The following ZNF519 variants were observed in gnomAD, a reference collection of about 807,000 sequenced individuals.
ZNF519 encodes zinc finger protein 519, also known as similar to Zinc finger protein 85 (Zinc finger protein HPF4) (HTF1).
In ZNF519, 7 loss-of-function variants were observed where a neutral mutation model predicts 7.4. That is an observed-to-expected ratio of 0.94 (90% CI 0.54 to 1.77). The LOEUF (loss-of-function observed/expected upper bound fraction) is 1.77, where lower values mean the gene tolerates loss of function less well. ZNF519 is among the 40% of genes most tolerant of loss of function. ZNF519 has a pLI of 0.00. For synonymous variants in ZNF519, 179 were observed against 203.3 expected (o/e 0.88, Z 1.02); for missense variants, 586 against 623.1 (o/e 0.94, Z 0.63).
At chr18:14,093,820 T>C (rs910806192) in intron 2 of ZNF519, among the ~76,000 whole-genome samples, 6 of 152,216 alleles carry the variant, frequency 3.9e-5, no homozygotes, top group Admixed American at 1.3e-4. Context: ...GCTGCAGTGA[T>C]TGGCTGAGAC....
At chr18:14,122,021 A>C (rs1020303424) in intron 2 of ZNF519, 1 of 152,170 alleles carries the variant, frequency 6.6e-6, no homozygotes, top group Non-Finnish European at 1.5e-5. Flanking sequence ...AATATCATGA[A>C]AACTGCATGA....
chr18:14,104,855 T>A lies in ZNF519; in HGVS notation c.*62A>T, dbSNP rs931080115. The A allele has an allele frequency of 2.1e-6, 3 of 1,436,386 alleles. No homozygotes were observed. Among genetic ancestry groups the A allele is most frequent in the Non-Finnish European group, 2.8e-6 (3 of 1,083,932 alleles). The allele number at this position is 1,436,386 out of a possible 1,614,324, so 89.0% of individuals were successfully genotyped here. ...TTTCTATCCAGTATTGATTTTCTAA[T>A]GTTGAGTAAGGTGTGAGCACCAGTT... On this transcript the variant is annotated 3_prime_UTR_variant, in exon 3 of 3. Coordinates refer to ENST00000590202, the MANE Select transcript of ZNF519 (RefSeq NM_145287.4).
intron 3 of ZNF519, among the ~76,000 whole-genome samples, chr18:14,079,585 G>A (rs2143076732): frequency 6.6e-6 from 1 of 152,296 alleles, no homozygotes; most frequent in African/African-American, 2.4e-5. Flanking sequence ...GAAGAACAGA[G>A]AACCTAGAAA....
intron 2 of ZNF519, among the ~76,000 whole-genome samples, chr18:14,089,094 A>C (rs1433454787): frequency 1.3e-5 from 2 of 152,192 alleles, no homozygotes; most frequent in East Asian, 1.9e-4. Context: ...ATTAAAACTT[A>C]TTCCATCTGT....
chr18:14,118,712 T>C (rs1424287791), intron 2 of ZNF519, among the ~76,000 whole-genome samples: 1 of 152,232 alleles, frequency 6.6e-6, no homozygotes, highest in African/African-American at 2.4e-5. Flanking sequence ...CTGCAACCTG[T>C]CTCAAACTCC....
At chr18:14,091,760 G>A (rs1433315859) in intron 2 of ZNF519, among the ~76,000 whole-genome samples, 1 of 152,044 alleles carries the variant, frequency 6.6e-6, no homozygotes, top group Non-Finnish European at 1.5e-5. Flanking sequence ...GGGAGGATGG[G>A]GGCAATATTG....
chr18:14,112,779 G>C (rs1188141359), intron 2 of ZNF519, among the ~76,000 whole-genome samples: 2 of 152,032 alleles, frequency 1.3e-5, no homozygotes, highest in East Asian at 1.9e-4. Context: ...AATTTAAAAA[G>C]ACAAAAAAGA....
intron 2 of ZNF519, chr18:14,124,033 C>T (rs989303988): frequency 6.5e-5 from 11 of 169,242 alleles, no homozygotes; most frequent in African/African-American, 4.8e-5. Context: ...ATTAGCCAGA[C>T]GTGGTGGTGG....
rs774395403 is a variant in ZNF519 at position 14,105,154 on chromosome 18, A to C, written c.1386T>G (p.Cys462Trp). Residue 462 changes from cysteine to tryptophan, a missense_variant, in exon 3 of 3, where the codon TGT (cysteine) becomes TGG (tryptophan). Cys to Trp is a radical substitution (Grantham distance 215, BLOSUM62 -2). Transcript: ENST00000590202. ...RIHTGEKSFK[C>W]EECGKAFIWG... is the part of the protein sequence containing the mutation. ...AGATAAAAGCTTTGCCACATTCTTC[A>C]CATTTGAAAGACTTCTCTCCAGTAT... is the stretch of plus-strand genomic sequence containing the variant. The C allele has an allele frequency of 1.2e-6, 2 of 1,613,230 alleles. No individual in the cohort carries two copies. Among genetic ancestry groups the C allele is most frequent in the Admixed American group, 3.3e-5 (2 of 59,960 alleles).
chr18:14,115,416 C>G (rs1598519602), intron 2 of ZNF519, among the ~76,000 whole-genome samples: 1 of 152,266 alleles, frequency 6.6e-6, no homozygotes, highest in Non-Finnish European at 1.5e-5. Context: ...AAAATTATAT[C>G]AGAACTAAAG....
chr18:14,076,350 T>C (rs1443408167), exon 5 of ZNF519: 1 of 152,184 alleles, frequency 6.6e-6, no homozygotes, highest in Non-Finnish European at 1.5e-5. Context: ...GATGCCTTAA[T>C]TCCACAGATG....
At chr18:14,097,915 C>T (rs1268001393), downstream of ZNF519, among the ~76,000 whole-genome samples, 2 of 152,104 alleles carry the variant, frequency 1.3e-5, no homozygotes, top group South Asian at 2.1e-4. Context: ...GTAGAAAGTG[C>T]GAGGTGAGTA....
At chr18:14,096,042 G>C (rs955084996), downstream of ZNF519, among the ~76,000 whole-genome samples, 1 of 152,240 alleles carries the variant, frequency 6.6e-6, no homozygotes, top group African/African-American at 2.4e-5. Flanking sequence ...GAAGGTTTCT[G>C]CCTTGCACTG....
chr18:14,113,602 A>G (rs946473850), intron 2 of ZNF519, among the ~76,000 whole-genome samples: 1 of 152,170 alleles, frequency 6.6e-6, no homozygotes, highest in African/African-American at 2.4e-5. Context: ...CAGCTACAAT[A>G]AAAATGGAGG....
intron 2 of ZNF519, among the ~76,000 whole-genome samples, chr18:14,088,833 T>G (rs1216854640): frequency 6.6e-6 from 1 of 152,156 alleles, no homozygotes; most frequent in Non-Finnish European, 1.5e-5. Context: ...AGCACATACT[T>G]AAGTATTGAC....
rs71366097 is a variant in ZNF519, at chr18:14,128,690, A to AACACACACACACACACAC, written c.3+3567_3+3584dup. Among the ~76,000 whole-genome samples, 100 of 130,606 alleles carry AACACACACACACACACAC rather than the reference A, an allele frequency of 7.7e-4. 1 individual carries two copies. The highest frequency in any genetic ancestry group is 1.1e-3 in the Non-Finnish European group (68 of 62,560). The allele number at this position is 130,606 out of a possible 152,430, so 85.7% of individuals were successfully genotyped here. The stretch of plus-strand genomic sequence containing the variant: ...CCTAGATTAAGACAATTCTGAGTCA[A>AACACACACACACACACAC]ACACACACACACACACACACACACA... On this transcript the variant is annotated intron_variant, in intron 1 of 2. Coordinates refer to ENST00000590202, the MANE Select transcript of ZNF519 (RefSeq NM_145287.4).
chr18:14,082,482 T>C (rs1158285538), intron 3 of ZNF519: 2 of 152,172 alleles, frequency 1.3e-5, no homozygotes, highest in Non-Finnish European at 2.9e-5. Context: ...CCCTGACTCT[T>C]GCCACAGAAC....
intron 2 of ZNF519, among the ~76,000 whole-genome samples, chr18:14,111,532 A>G (rs1435664956): frequency 2.0e-5 from 3 of 150,338 alleles, no homozygotes; most frequent in Non-Finnish European, 4.4e-5. Context: ...AAAAAAAAAG[A>G]AAGAAAGAAA....
At chr18:14,090,916 T>G (rs1289556602) in intron 2 of ZNF519, 1 of 152,232 alleles carries the variant, frequency 6.6e-6, no homozygotes, top group Non-Finnish European at 1.5e-5. Flanking sequence ...TCTGCAAATG[T>G]TAACTATATA....
Sources: allele counts gnomAD v4.1 joint callset (sites outside exome capture counted in the v4.1 genomes callset), GRCh38; gene constraint gnomAD v4.1.1; transcripts MANE v1.5; gene names NCBI Gene and HGNC (gene_info 2026-07-23, HGNC 2026-07-21).